KIT: variants seen among roughly 807,000 people sequenced by gnomAD.
KIT encodes the protein mast/stem cell growth factor receptor Kit.
A neutral mutation model predicts 105.7 loss-of-function variants in KIT; 16 were observed. The observed-to-expected ratio is 0.15, with a 90% CI of 0.10 to 0.23. The LOEUF (loss-of-function observed/expected upper bound fraction) is 0.23. Among genes scored for constraint, KIT ranks in the 10% least tolerant of loss-of-function variants. The pLI is 1.00. For synonymous variants in KIT, 438 were observed against 441.1 expected, an observed-to-expected ratio of 0.99 and a Z score of 0.09; for missense variants, 858 against 1,213.8, an observed-to-expected ratio of 0.71 and a Z score of 4.36.
In KIT at chr4:54,695,644, C is replaced by T. The variant is rs144933028; in HGVS notation, c.200C>T (p.Thr67Ile). The part of the protein sequence containing the change: ...LCTDPGFVKW[T>I]FEILDETNEN... The stretch of plus-strand genomic sequence containing the variant: ...ACTGATCCGGGCTTTGTCAAATGGA[C>T]TTTTGAGATCCTGGATGAAACGAAT... The change falls in exon 2 of 21, where the codon ACT (threonine) becomes ATT (isoleucine). Residue 67 changes from threonine to isoleucine, a missense_variant. Around this residue, in one of 7 missense-constraint regions of KIT, gnomAD observed 401 missense variants for 601.0 expected, o/e 0.67. Transcript: ENST00000288135. The T allele has an allele frequency of 6.2e-7, 1 of 1,614,224 alleles. No individual in the cohort carries two copies. The highest frequency in any genetic ancestry group is 1.7e-5 in the Admixed American group (1 of 60,028).
chr4:54,673,563 A>G (rs915818784), intron 1 of KIT, among the ~76,000 whole-genome samples: 6 of 152,092 alleles, frequency 3.9e-5, no homozygotes, highest in Non-Finnish European at 8.8e-5. Flanking sequence ...TGTTCTTCAT[A>G]GCTTCTTTCA....
Position 54,740,425 on chromosome 4 carries a change from T to C in KIT, c.*1868T>C, listed in dbSNP as rs774038505. On this transcript the variant is annotated 3_prime_UTR_variant, in exon 21 of 21. Transcript: ENST00000288135. ...TTTGTCTTGGATATTCTTGAAAGTT[T>C]ATATTTTTATAATTTTTTCTTACAT... 2 of 233,326 alleles carry C rather than the reference T, an allele frequency of 8.6e-6. No homozygotes were observed. The highest frequency in any genetic ancestry group is 5.6e-5 in the Admixed American group (1 of 17,782). The allele number at this position is 233,326 out of a possible 1,614,324, so 14.5% of individuals were successfully genotyped here. A position where few individuals can be genotyped will look rare whatever the true frequency, so the allele number is the denominator to read the frequency against.
In KIT at chr4:54,740,560, T is replaced by C. The variant is rs983196509; in HGVS notation, c.*2003T>C. 1.7e-5 allele frequency: 4 copies of C among 233,102 alleles called. No homozygotes were observed. Among genetic ancestry groups the C allele is most frequent in the Non-Finnish European group, 3.4e-5 (4 of 117,672 alleles). The allele number at this position is 233,102 out of a possible 1,614,324, so 14.4% of individuals were successfully genotyped here. ...TGAATATTCCCAAGCCCATGAGTCC[T>C]TGAAAATATTTTTTATATATACAGT... is the stretch of plus-strand genomic sequence containing the variant. On this transcript the variant is annotated 3_prime_UTR_variant, in exon 21 of 21. Coordinates refer to ENST00000288135, the MANE Select transcript of KIT (RefSeq NM_000222.3).
At chr4:54,706,255 T>A (rs1720782625) in intron 5 of KIT, among the ~76,000 whole-genome samples, 1 of 152,156 alleles carries the variant, frequency 6.6e-6, no homozygotes, top group Admixed American at 6.5e-5. Flanking sequence ...GCTAAATGCT[T>A]CCTAAAAGAA....
intron 1 of KIT, among the ~76,000 whole-genome samples, chr4:54,662,515 C>G (rs551033740): frequency 4.3e-4 from 65 of 152,282 alleles, no homozygotes; most frequent in African/African-American, 1.5e-3. Context: ...ATTATTGTCC[C>G]TAAAATGGGA....
chr4:54,657,968 A>G lies in KIT; in HGVS notation c.-47A>G, dbSNP rs995555992. The G allele has an allele frequency of 3.1e-6, 5 of 1,596,040 alleles. No individual in the cohort carries two copies. The highest frequency in any genetic ancestry group is 1.1e-5 in the South Asian group (1 of 90,298). On this transcript the variant is annotated 5_prime_UTR_variant, in exon 1 of 21. Transcript: ENST00000288135. ...TTGCCGCGCTCGCTGCACTTGGGCG[A>G]GAGCTGGAACGTGGACCAGAGCTCG...
rs752271176 is a variant in KIT at position 54,728,090 on chromosome 4, T to C, written c.1959T>C (p.Ile653=). ...VLSYLGNHMN[I]VNLLGACTIG... ...GTTACCTTGGTAATCACATGAATAT[T>C]GTGAATCTACTTGGAGCCTGCACCA... The change falls in exon 13 of 21, where the codon ATT becomes ATC. Residue 653 remains isoleucine, a synonymous_variant. Coordinates refer to ENST00000288135, the MANE Select transcript of KIT (RefSeq NM_000222.3). The C allele has an allele frequency of 1.6e-5, 26 of 1,613,714 alleles. No individual in the cohort carries two copies. The highest frequency in any genetic ancestry group is 2.0e-5 in the Non-Finnish European group (24 of 1,179,784).
chr4:54,679,627 C>T (rs1331635034), intron 1 of KIT, among the ~76,000 whole-genome samples: 1 of 152,026 alleles, frequency 6.6e-6, no homozygotes, highest in Non-Finnish European at 1.5e-5. Context: ...CTGATTTACC[C>T]ATTATAATGA....
intron 1 of KIT, 112 bp downstream of exon 1, chr4:54,658,193 C>A: frequency 9.5e-7 from 1 of 1,056,864 alleles, no homozygotes; most frequent in Non-Finnish European, 1.4e-6. Context: ...GCCCTCAGTG[C>A]CCGTGCGTTC....
intron 7 of KIT, among the ~76,000 whole-genome samples, chr4:54,722,553 A>C (rs11735550): frequency 0.1 from 15,182 of 152,096 alleles, 1,004 homozygotes; most frequent in Admixed American, 0.21. Context: ...AATCAATGCT[A>C]TTCTTCAGAG....
chr4:54,739,303 C>T lies in KIT; in HGVS notation c.*746C>T, dbSNP rs1723114922. 1.3e-5 allele frequency: 3 copies of T among 238,884 alleles called. No homozygotes were observed. Among genetic ancestry groups the T allele is most frequent in the East Asian group, 6.0e-5 (1 of 16,692 alleles). The allele number at this position is 238,884 out of a possible 1,614,324, so 14.8% of individuals were successfully genotyped here. ...ATAAGGTTTCGTTTCTGTATACAAC[C>T]CTGGCATTATGTCCACTGTGTATAG... On this transcript the variant is annotated 3_prime_UTR_variant, in exon 21 of 21. Coordinates refer to ENST00000288135, the MANE Select transcript of KIT (RefSeq NM_000222.3).
intron 1 of KIT, among the ~76,000 whole-genome samples, chr4:54,663,661 G>GA (rs1390097747): frequency 6.6e-6 from 1 of 152,040 alleles, no homozygotes; most frequent in African/African-American, 2.4e-5. Context: ...TAGGTTGGGG[G>GA]AATGTCTGCA....
At chr4:54,692,929 G>C (rs969973530) in intron 1 of KIT, among the ~76,000 whole-genome samples, 8 of 152,282 alleles carry the variant, frequency 5.3e-5, no homozygotes, top group Admixed American at 2.0e-4. Flanking sequence ...CTAATAAACA[G>C]GAATTGAGAC....
At chr4:54,723,972 G>A (rs1722060896) in intron 8 of KIT, among the ~76,000 whole-genome samples, 1 of 152,088 alleles carries the variant, frequency 6.6e-6, no homozygotes, top group Non-Finnish European at 1.5e-5. Flanking sequence ...GGTAGATAAA[G>A]CAATTTTGCA....
intron 2 of KIT, among the ~76,000 whole-genome samples, chr4:54,696,914 A>T (rs1444499143): frequency 6.6e-6 from 1 of 152,258 alleles, no homozygotes; most frequent in African/African-American, 2.4e-5. Context: ...GGTATTTTGC[A>T]ATTTCCAGGT....
At chr4:54,736,132 C>T (rs149220259) in intron 17 of KIT, among the ~76,000 whole-genome samples, 1 of 152,066 alleles carries the variant, frequency 6.6e-6, no homozygotes, top group Non-Finnish European at 1.5e-5. Context: ...TGTGAGAGGC[C>T]GTGTTTCTGT....
At chr4:54,684,251 A>G (rs1000457248) in intron 1 of KIT, among the ~76,000 whole-genome samples, 1 of 152,050 alleles carries the variant, frequency 6.6e-6, no homozygotes, top group Non-Finnish European at 1.5e-5. Flanking sequence ...GCAGTGTGAC[A>G]TCCCTCTCTA....
intron 9 of KIT, 127 bp downstream of exon 9, chr4:54,726,177 C>T (rs1205343095): frequency 3.9e-6 from 3 of 764,952 alleles, no homozygotes; most frequent in Non-Finnish European, 6.7e-6. Flanking sequence ...ACCATACTGT[C>T]ATCAAACTCA....
intron 4 of KIT, among the ~76,000 whole-genome samples, chr4:54,702,761 T>C (rs1720533747): frequency 1.3e-5 from 2 of 152,178 alleles, no homozygotes; most frequent in African/African-American, 2.4e-5. Context: ...ATGAACATCC[T>C]GGTAAGCTCC....
Sources: allele counts gnomAD v4.1 joint callset (sites outside exome capture counted in the v4.1 genomes callset), GRCh38; gene constraint gnomAD v4.1.1; regional missense constraint gnomAD v4.1.1; transcripts MANE v1.5; gene names NCBI Gene and HGNC (gene_info 2026-07-23, HGNC 2026-07-21).